The following SLC39A14 variants were observed in gnomAD, a reference collection of about 807,000 sequenced individuals.
The protein encoded by SLC39A14 is metal cation symporter ZIP14.
Under a neutral mutation model 45.5 loss-of-function variants are expected in SLC39A14, and 19 were observed. The ratio of observed to expected loss-of-function variants is 0.42; its 90% confidence interval spans 0.29 to 0.61. The LOEUF is 0.61. Ranked by LOEUF, SLC39A14 falls within the 20% of genes least tolerant of loss-of-function variation. The pLI, the probability that SLC39A14 is intolerant of heterozygous loss-of-function variation, is 0.22. For missense variants in SLC39A14, 447 were observed against 616.5 expected (o/e 0.73, Z 2.91); for synonymous variants, 264 against 251.3 (o/e 1.05, Z -0.48).
intron 4 of SLC39A14, among the ~76,000 whole-genome samples, chr8:22,413,242 G>A (rs567211605): frequency 9.2e-5 from 14 of 152,242 alleles, no homozygotes; most frequent in Non-Finnish European, 1.6e-4. Flanking sequence ...GACTGCATGC[G>A]CCTCTTACAA....
At chr8:22,415,642 G>A in intron 5 of SLC39A14, 127 bp from the exon 6 acceptor site, 1 of 845,090 alleles carries the variant, frequency 1.2e-6, no homozygotes, top group South Asian at 1.8e-5. Flanking sequence ...CACGTGACCT[G>A]CTTGTGTCAT....
At chr8:22,408,131 T>C (rs573260616) in intron 2 of SLC39A14, among the ~76,000 whole-genome samples, 179 bp from the exon 3 acceptor site, 1 of 152,320 alleles carries the variant, frequency 6.6e-6, no homozygotes, top group African/African-American at 2.4e-5. Context: ...GTTACTAGTT[T>C]TTTAAGTTTA....
chr8:22,417,004 G>A (rs1835925362), intron 7 of SLC39A14, among the ~76,000 whole-genome samples: 1 of 152,182 alleles, frequency 6.6e-6, no homozygotes, highest in African/African-American at 2.4e-5. Context: ...TGCCTGGCAG[G>A]TGCATGGCAG....
At chr8:22,423,206 C>T (rs553385094), downstream of SLC39A14, among the ~76,000 whole-genome samples, 28 of 152,186 alleles carry the variant, frequency 1.8e-4, no homozygotes, top group East Asian at 4.1e-3. Flanking sequence ...TGCATTGGCA[C>T]GATCTCGGTT....
Position 22,404,881 on chromosome 8 carries a change from C to T in SLC39A14, c.171C>T (p.Leu57=), listed in dbSNP as rs1835119947. Residue 57 remains leucine, a synonymous_variant, in exon 2 of 9, where the codon CTC becomes CTT. Transcript: ENST00000381237. ...LIHRYGEGDS[L]TLQQLKALLN... is the part of the protein sequence containing the mutation. ...ATCGGTATGGCGAGGGTGACAGCCT[C>T]ACTCTGCAGCAGCTGAAGGCCCTAC... 1.9e-6 allele frequency: 3 copies of T among 1,614,176 alleles called. No homozygotes were observed. Among genetic ancestry groups the T allele is most frequent in the Non-Finnish European group, 2.5e-6 (3 of 1,180,020 alleles).
intron 1 of SLC39A14, among the ~76,000 whole-genome samples, chr8:22,395,944 C>T (rs1030480503): frequency 1.3e-5 from 2 of 152,176 alleles, no homozygotes; most frequent in Admixed American, 6.5e-5. Context: ...TATTTATGAC[C>T]TGTTTTCTGT....
chr8:22,392,114 A>G (rs1009386684), intron 1 of SLC39A14, among the ~76,000 whole-genome samples: 1 of 152,222 alleles, frequency 6.6e-6, no homozygotes, highest in African/African-American at 2.4e-5. Context: ...AGGAGTCCAT[A>G]ATAGCCAGAG....
intron 1 of SLC39A14, among the ~76,000 whole-genome samples, chr8:22,400,201 C>T (rs1403512934): frequency 6.6e-6 from 1 of 152,144 alleles, no homozygotes; most frequent in Non-Finnish European, 1.5e-5. Context: ...TCATTCAGAC[C>T]AGGCTTTGAT....
At chr8:22,428,483 C>T (rs1443376965) in intron 8 of SLC39A14, among the ~76,000 whole-genome samples, 5 of 137,818 alleles carry the variant, frequency 3.6e-5, no homozygotes, top group Non-Finnish European at 7.6e-5. Context: ...CACTCCATTG[C>T]CCAGGCTGTA....
Position 22,408,452 on chromosome 8 carries a change from A to G in SLC39A14, c.413A>G (p.Glu138Gly). The change falls in exon 3 of 9, where the codon GAG (glutamate) becomes GGG (glycine). Residue 138 changes from glutamate to glycine, a missense_variant. Coordinates refer to ENST00000381237, the MANE Select transcript of SLC39A14 (RefSeq NM_001128431.4). ...RACTSENQEN[E>G]ENEQTEEGRP... is the part of the protein sequence containing the mutation. ...TGCACCTCGGAGAACCAGGAAAACG[A>G]GGAGAATGAGCAGACGGAGGAGGGG... 1.2e-6 allele frequency: 2 copies of G among 1,614,154 alleles called. No homozygotes were observed. Among genetic ancestry groups the G allele is most frequent in the Non-Finnish European group, 1.7e-6 (2 of 1,180,036 alleles).
At chr8:22,373,038 C>G (rs977167892) in intron 1 of SLC39A14, among the ~76,000 whole-genome samples, 4 of 152,002 alleles carry the variant, frequency 2.6e-5, no homozygotes, top group Non-Finnish European at 4.4e-5. Context: ...CCGAGCTGGG[C>G]AGATCACAAG....
chr8:22,418,918 A>T (rs768367553), intron 8 of SLC39A14, among the ~76,000 whole-genome samples: 1 of 152,090 alleles, frequency 6.6e-6, no homozygotes, highest in Non-Finnish European at 1.5e-5. Flanking sequence ...CTGTGGAGCT[A>T]CTCAGGAGGC....
intron 3 of SLC39A14, 188 bp from the exon 4 acceptor site, chr8:22,411,849 T>G: frequency 3.5e-6 from 2 of 568,466 alleles, no homozygotes; most frequent in Non-Finnish European, 3.1e-6. Context: ...AAATTTTCTA[T>G]TTCTCTCTCC....
At chr8:22,386,275 T>TG (rs1833788673) in intron 1 of SLC39A14, among the ~76,000 whole-genome samples, 2 of 151,248 alleles carry the variant, frequency 1.3e-5, no homozygotes, top group Non-Finnish European at 1.5e-5. Context: ...GACTTTTTTT[T>TG]TTTTTTTTTG....
intron 4 of SLC39A14, among the ~76,000 whole-genome samples, chr8:22,412,460 T>C (rs1303739707): frequency 6.6e-6 from 1 of 152,134 alleles, no homozygotes; most frequent in African/African-American, 2.4e-5. Flanking sequence ...TTTCTTCAGA[T>C]GTGAAATGGG....
intron 1 of SLC39A14, among the ~76,000 whole-genome samples, chr8:22,369,497 C>T (rs925639561): frequency 6.6e-6 from 1 of 152,184 alleles, no homozygotes; most frequent in Non-Finnish European, 1.5e-5. Context: ...GCCACCATGG[C>T]GGGTGCACGC....
chr8:22,371,466 CT>C (rs1832932977), intron 1 of SLC39A14, among the ~76,000 whole-genome samples: 2 of 130,954 alleles, frequency 1.5e-5, no homozygotes, highest in South Asian at 5.0e-4. Context: ...CGGAGTCTCG[CT>C]CTGTCGCCCA....
At chr8:22,428,076 A>G (rs1586762918) in intron 8 of SLC39A14, among the ~76,000 whole-genome samples, 1 of 152,128 alleles carries the variant, frequency 6.6e-6, no homozygotes, top group Non-Finnish European at 1.5e-5. Flanking sequence ...AGGCGGGTGG[A>G]TCACCTGAGG....
intron 8 of SLC39A14, among the ~76,000 whole-genome samples, chr8:22,430,772 A>G (rs1836454126): frequency 6.6e-6 from 1 of 151,666 alleles, no homozygotes; most frequent in South Asian, 2.1e-4. Flanking sequence ...TCCTGGGTTC[A>G]AGCCATTCTC....
Sources: gnomAD v4.1 joint callset for allele counts (sites outside exome capture counted in the v4.1 genomes callset) on GRCh38, gnomAD v4.1.1 for gene constraint, MANE v1.5 for transcripts, NCBI Gene and HGNC (gene_info 2026-07-23, HGNC 2026-07-21) for gene names.